RAP1B: variants seen among roughly 807,000 people sequenced by gnomAD.
RAP1B encodes the protein ras-related protein Rap-1b.
Under a neutral mutation model 27.5 loss-of-function variants are expected in RAP1B, and 1 was observed. The ratio of observed to expected loss-of-function variants is 0.04; its 90% confidence interval spans 0.01 to 0.17. The LOEUF (loss-of-function observed/expected upper bound fraction) is 0.17. RAP1B is among the 10% of genes least tolerant of loss of function. The pLI is 1.00. For missense variants in RAP1B, 84 were observed against 214.8 expected, an observed-to-expected ratio of 0.39 and a Z score of 3.81; for synonymous variants, 75 against 73.1, an observed-to-expected ratio of 1.03 and a Z score of -0.13.
Position 68,657,255 on chromosome 12 carries a change from C to G in RAP1B, c.*30+38C>G, listed in dbSNP as rs1196748414. 11 of 1,348,798 alleles carry G rather than the reference C, an allele frequency of 8.2e-6. No individual in the cohort carries two copies. In the South Asian group the frequency reaches 1.2e-4, roughly 15 times the overall value. The allele number at this position is 1,348,798 out of a possible 1,614,324, so 83.6% of individuals were successfully genotyped here. ...ATCTTTCCTCTAACTTTTAATCACT[C>G]AACCTTATTAAGGGCACTCTGTCAT... On this transcript the variant is annotated intron_variant, in intron 7 of 7. Coordinates refer to ENST00000250559, the MANE Select transcript of RAP1B (RefSeq NM_001010942.3).
rs1460422289 is a variant in RAP1B at position 68,661,984 on chromosome 12, G to T, written c.*2735G>T. ...TACCTACTTCATAGGAGAGTGAAAT[G>T]AATGCCAGTGCTATCCTCTAGGTCT... On this transcript the variant is annotated 3_prime_UTR_variant, in exon 8 of 8. Coordinates refer to ENST00000250559, the MANE Select transcript of RAP1B (RefSeq NM_001010942.3). 2 of 144,914 alleles carry T rather than the reference G, an allele frequency of 1.4e-5. No homozygotes were observed. Among genetic ancestry groups the T allele is most frequent in the Admixed American group, 7.0e-5 (1 of 14,290 alleles). 9.0% of individuals were successfully genotyped at this position (144,914 alleles called of 1,614,324 possible).
At chr12:68,622,685 C>G (rs1380896660) in intron 1 of RAP1B, among the ~76,000 whole-genome samples, 1 of 152,214 alleles carries the variant, frequency 6.6e-6, no homozygotes, top group Non-Finnish European at 1.5e-5. Context: ...TTGTTTGCCT[C>G]TCATCCCCTC....
At chr12:68,638,030 G>A (rs1211346843) in intron 1 of RAP1B, among the ~76,000 whole-genome samples, 1 of 152,104 alleles carries the variant, frequency 6.6e-6, no homozygotes, top group African/African-American at 2.4e-5. Flanking sequence ...ACAAATTTAA[G>A]TTTTTAAAAT....
At chr12:68,657,257 A>C in intron 7 of RAP1B, 40 bp downstream of exon 7, 1 of 1,319,246 alleles carries the variant, frequency 7.6e-7, no homozygotes, top group Non-Finnish European at 1.1e-6. Flanking sequence ...TAATCACTCA[A>C]CCTTATTAAG....
chr12:68,655,209 T>C (rs932954728), intron 5 of RAP1B, among the ~76,000 whole-genome samples: 2 of 151,788 alleles, frequency 1.3e-5, no homozygotes, highest in Non-Finnish European at 2.9e-5. Context: ...TCTCAGCTAT[T>C]TGGGAGGCTG....
chr12:68,615,478 G>T (rs1041756650), intron 1 of RAP1B, among the ~76,000 whole-genome samples: 3 of 151,880 alleles, frequency 2.0e-5, no homozygotes, highest in African/African-American at 4.8e-5. Flanking sequence ...AATCCGAGCT[G>T]CTTGGGAGAC....
rs199681876 is a variant in RAP1B, at chr12:68,665,296, T to TAG, written c.*6050_*6051dup. On this transcript the variant is annotated 3_prime_UTR_variant, in exon 8 of 8. Transcript: ENST00000250559. ...AAGATAACCCAGAGAGGGGTAATGG[T>TAG]AGAGCCAGAATTAACACAGCCAGCT... 1,398 of 152,262 alleles carry TAG rather than the reference T, an allele frequency of 9.2e-3. 10 individuals carry two copies. Among genetic ancestry groups the TAG allele is most frequent in the South Asian group, 0.019 (94 of 4,826 alleles). 9.4% of individuals were successfully genotyped at this position (152,262 alleles called of 1,614,324 possible).
chr12:68,641,370 G>A (rs1266753776), intron 1 of RAP1B, among the ~76,000 whole-genome samples: 1 of 152,178 alleles, frequency 6.6e-6, no homozygotes. Flanking sequence ...TCTCGACAAT[G>A]CCAAAGGAGG....
intron 1 of RAP1B, among the ~76,000 whole-genome samples, chr12:68,621,251 A>G (rs1208662304): frequency 1.3e-5 from 2 of 150,392 alleles, no homozygotes; most frequent in Non-Finnish European, 3.0e-5. Flanking sequence ...TCCCTATATT[A>G]AATAATTAAC....
At chr12:68,634,915 A>G (rs928804792) in intron 1 of RAP1B, among the ~76,000 whole-genome samples, 4 of 152,216 alleles carry the variant, frequency 2.6e-5, no homozygotes, top group African/African-American at 9.6e-5. Flanking sequence ...GAAAAGGGCA[A>G]GGGAATTTTT....
At chr12:68,658,435 A>C (rs1025230257) in intron 7 of RAP1B, among the ~76,000 whole-genome samples, 1 of 152,232 alleles carries the variant, frequency 6.6e-6, no homozygotes, top group East Asian at 1.9e-4. Context: ...ATGAGGACCT[A>C]AAGTTCTAGG....
chr12:68,651,426 A>G (rs1037347742), intron 3 of RAP1B, among the ~76,000 whole-genome samples: 1 of 152,104 alleles, frequency 6.6e-6, no homozygotes, highest in African/African-American at 2.4e-5. Flanking sequence ...GTGAGACAGT[A>G]TTACTCTTTT....
At chr12:68,642,365 A>G (rs976433902) in intron 1 of RAP1B, among the ~76,000 whole-genome samples, 24 of 152,246 alleles carry the variant, frequency 1.6e-4, no homozygotes, top group Non-Finnish European at 2.9e-5. Context: ...AGGCAACACA[A>G]GAAGTTAAAT....
intron 1 of RAP1B, among the ~76,000 whole-genome samples, chr12:68,623,365 T>G (rs546794123): frequency 1.9e-4 from 29 of 152,292 alleles, no homozygotes; most frequent in African/African-American, 7.0e-4. Flanking sequence ...TGAATTACAG[T>G]GAGCAGTACT....
rs1448272712 is a variant in RAP1B, at chr12:68,667,841, T to C, written c.*8592T>C. The C allele has an allele frequency of 6.6e-6, 1 of 152,210 alleles. No homozygotes were observed. Among genetic ancestry groups the C allele is most frequent in the Non-Finnish European group, 1.5e-5 (1 of 68,030 alleles). The allele number at this position is 152,210 out of a possible 1,614,324, so 9.4% of individuals were successfully genotyped here. ...TCTATTTTGTTAGAATAAAAAGCAA[T>C]AATACTTCCTGAAATACATCTTGGG... On this transcript the variant is annotated 3_prime_UTR_variant, in exon 8 of 8. Transcript: ENST00000250559.
At chr12:68,651,052 A>G (rs1292351792) in intron 3 of RAP1B, among the ~76,000 whole-genome samples, 1 of 152,240 alleles carries the variant, frequency 6.6e-6, no homozygotes, top group Non-Finnish European at 1.5e-5. Flanking sequence ...ATTCTTATGC[A>G]TGATACAAAG....
At chr12:68,616,360 C>G (rs184257751) in intron 1 of RAP1B, among the ~76,000 whole-genome samples, 1 of 151,848 alleles carries the variant, frequency 6.6e-6, no homozygotes, top group Non-Finnish European at 1.5e-5. Context: ...TCTCAGTTCA[C>G]CACAGCCTCC....
chr12:68,640,855 A>G (rs1176071286), intron 1 of RAP1B, among the ~76,000 whole-genome samples: 1 of 152,112 alleles, frequency 6.6e-6, no homozygotes, highest in Non-Finnish European at 1.5e-5. Flanking sequence ...CCATAAGACC[A>G]GTTTTTATTT....
At chr12:68,655,783 G>A (rs1236552863) in intron 5 of RAP1B, among the ~76,000 whole-genome samples, 1 of 152,056 alleles carries the variant, frequency 6.6e-6, no homozygotes. Flanking sequence ...TGATCCACCC[G>A]CCTCGGCCTC....
Sources: gnomAD v4.1 joint callset for allele counts (sites outside exome capture counted in the v4.1 genomes callset) on GRCh38, gnomAD v4.1.1 for gene constraint, MANE v1.5 for transcripts, NCBI Gene and HGNC (gene_info 2026-07-23, HGNC 2026-07-21) for gene names.